Variants in TXNDC16 observed in about 807,000 individuals in gnomAD.
TXNDC16 encodes the protein thioredoxin domain-containing protein 16.
Under a neutral mutation model 85.6 loss-of-function variants are expected in TXNDC16, and 74 were observed. That is an observed-to-expected ratio of 0.86 (90% CI 0.72 to 1.05). The LOEUF (loss-of-function observed/expected upper bound fraction) is 1.05, where lower values mean the gene tolerates loss of function less well. Ranked by LOEUF, TXNDC16 falls within the 50% of genes least tolerant of loss-of-function variation. TXNDC16 has a pLI of 0.00. For synonymous variants in TXNDC16, 335 were observed against 326.5 expected (o/e 1.03, Z -0.28); for missense variants, 959 against 947.0 (o/e 1.01, Z -0.17).
At chr14:52,491,136 G>A (rs189856436) in intron 9 of TXNDC16, 131 bp from the exon 10 acceptor site, 25 of 1,044,500 alleles carry the variant, frequency 2.4e-5, no homozygotes, top group African/African-American at 2.1e-4. Flanking sequence ...TAACAGAAAC[G>A]ATCTCTTAAT....
At chr14:52,462,389 A>T (rs986038403) in intron 16 of TXNDC16, among the ~76,000 whole-genome samples, 3 of 152,226 alleles carry the variant, frequency 2.0e-5, no homozygotes, top group Non-Finnish European at 4.4e-5. Flanking sequence ...ATCTTGGCTC[A>T]TTGCAATCTC....
intron 19 of TXNDC16, among the ~76,000 whole-genome samples, chr14:52,439,705 C>G (rs552450990): frequency 6.6e-6 from 1 of 152,346 alleles, no homozygotes; most frequent in South Asian, 2.1e-4. Flanking sequence ...TTCCTTCCAA[C>G]ATTTGGCCAA....
intron 9 of TXNDC16, 23 bp from the exon 10 acceptor site, chr14:52,491,028 AAAAG>A: frequency 6.4e-7 from 1 of 1,566,024 alleles, no homozygotes; most frequent in Admixed American, 2.2e-5. Flanking sequence ...AAAAAAAAAA[AAAAG>A]GTGTGATAAC....
In TXNDC16 at chr14:52,432,299, T is replaced by A; in HGVS notation, c.*5A>T. 1.3e-6 allele frequency: 2 copies of A among 1,595,884 alleles called. No homozygotes were observed. The highest frequency in any genetic ancestry group is 2.2e-5 in the East Asian group (1 of 44,574). On this transcript the variant is annotated 3_prime_UTR_variant, in exon 21 of 21. Transcript: ENST00000281741. ...AAAAATTTTGGAAACCACAGCCCTA[T>A]AAAATTAGTTCACTTTTGAGCATCC... is the stretch of plus-strand genomic sequence containing the variant.
intron 1 of TXNDC16, among the ~76,000 whole-genome samples, chr14:52,546,120 T>C (rs1046016799): frequency 2.6e-5 from 4 of 151,630 alleles, no homozygotes; most frequent in Middle Eastern, 3.4e-3. Flanking sequence ...CCTGTCTCTA[T>C]AAAAAGTAAG....
chr14:52,490,416 T>C lies in TXNDC16; in HGVS notation c.959A>G (p.Asn320Ser). The part of the protein sequence containing the change: ...SLEVNIPQDA[N>S]VVFKRAEEGV... ...CTCTTCTGCTCTTTTGAAGACCACA[T>C]TAGCATCTTGAGGAATGTTCACTTC... The change falls in exon 11 of 21, where the codon AAT becomes AGT. Residue 320 changes from asparagine (N) to serine (S), a missense_variant. Asn to Ser is a conservative substitution (Grantham distance 46). Transcript: ENST00000281741. 1 of 1,602,594 alleles carries C rather than the reference T, an allele frequency of 6.2e-7. No individual in the cohort carries two copies. The highest frequency in any genetic ancestry group is 8.5e-7 in the Non-Finnish European group (1 of 1,175,948).
intron 3 of TXNDC16, 53 bp from the exon 4 acceptor site, chr14:52,542,506 T>C: frequency 7.6e-7 from 1 of 1,311,302 alleles, no homozygotes; most frequent in Non-Finnish European, 1.1e-6. Context: ...TAAAAATGAA[T>C]TTTAAAATCT....
chr14:52,493,215 A>ATATATATATATATATAAT (rs761008122), intron 9 of TXNDC16, among the ~76,000 whole-genome samples: 1 of 120,960 alleles, frequency 8.3e-6, no homozygotes, highest in East Asian at 2.7e-4. Context: ...ATATATATAT[A>ATATATATATATATATAAT]TACACACACA....
chr14:52,440,543 A>C (rs1472426167), intron 19 of TXNDC16, 21 bp downstream of exon 19: 40 of 1,534,704 alleles, frequency 2.6e-5, no homozygotes, highest in Non-Finnish European at 3.4e-5. Flanking sequence ...CTTACATATT[A>C]AAAAATAAAC....
At chr14:52,521,049 T>C (rs767160568) in intron 6 of TXNDC16, among the ~76,000 whole-genome samples, 11 of 152,002 alleles carry the variant, frequency 7.2e-5, no homozygotes, top group Non-Finnish European at 1.5e-4. Flanking sequence ...TTAACATAAA[T>C]ACTTTTTATT....
At chr14:52,462,944 C>A (rs1220778046) in intron 16 of TXNDC16, 2 of 455,916 alleles carry the variant, frequency 4.4e-6, no homozygotes, top group African/African-American at 2.0e-5. Flanking sequence ...GATTTCCTCA[C>A]AACTTAGTCA....
intron 14 of TXNDC16, among the ~76,000 whole-genome samples, chr14:52,475,405 G>C (rs1226279639): frequency 1.3e-5 from 2 of 152,186 alleles, no homozygotes; most frequent in South Asian, 2.1e-4. Flanking sequence ...TTGCAGCTGG[G>C]AGGCAGGTAG....
intron 9 of TXNDC16, among the ~76,000 whole-genome samples, chr14:52,493,033 T>A (rs900664210): frequency 6.6e-6 from 1 of 151,588 alleles, no homozygotes; most frequent in African/African-American, 2.4e-5. Context: ...TCCCAGCACT[T>A]TGGGAGGCCA....
chr14:52,489,958 T>G (rs1217424251), intron 11 of TXNDC16, among the ~76,000 whole-genome samples: 1 of 152,098 alleles, frequency 6.6e-6, no homozygotes, highest in Admixed American at 6.6e-5. Flanking sequence ...CACCTCAGCC[T>G]CCTGAGTAAC....
At chr14:52,466,841 T>C (rs1429423748) in intron 16 of TXNDC16, among the ~76,000 whole-genome samples, 2 of 152,024 alleles carry the variant, frequency 1.3e-5, no homozygotes, top group African/African-American at 4.8e-5. Flanking sequence ...CACTCCAGCC[T>C]GGGTGACAGA....
chr14:52,519,033 A>C, intron 7 of TXNDC16, 139 bp downstream of exon 7: 1 of 885,630 alleles, frequency 1.1e-6, no homozygotes, highest in Non-Finnish European at 1.6e-6. Flanking sequence ...CCATTTAAAG[A>C]AAAATAGCTT....
intron 6 of TXNDC16, among the ~76,000 whole-genome samples, chr14:52,530,755 GTC>G (rs770969858): frequency 1.9e-4 from 27 of 145,822 alleles, no homozygotes; most frequent in Non-Finnish European, 1.0e-4. Context: ...ACGTCAGTAT[GTC>G]TCTGTGTATT....
At chr14:52,506,190 T>C (rs1474003282) in intron 9 of TXNDC16, among the ~76,000 whole-genome samples, 5 of 152,018 alleles carry the variant, frequency 3.3e-5, no homozygotes, top group East Asian at 3.9e-4. Context: ...TTCCAATCAA[T>C]AGAAAAAGAG....
At chr14:52,461,276 CTG>C in intron 16 of TXNDC16, among the ~76,000 whole-genome samples, 1 of 151,768 alleles carries the variant, frequency 6.6e-6, no homozygotes, top group Middle Eastern at 3.7e-3. Context: ...TAATTTTGAA[CTG>C]TTTTATATCA....
Sources: gnomAD v4.1 joint callset for allele counts (sites outside exome capture counted in the v4.1 genomes callset) on GRCh38, gnomAD v4.1.1 for gene constraint, MANE v1.5 for transcripts, NCBI Gene and HGNC (gene_info 2026-07-23, HGNC 2026-07-21) for gene names.